The following ADCY9 variants were observed in gnomAD, a reference collection of about 807,000 sequenced individuals.
ADCY9 encodes the protein adenylate cyclase type 9.
In ADCY9, 50 loss-of-function variants were observed where a neutral mutation model predicts 101.5. The ratio of observed to expected loss-of-function variants is 0.49; its 90% CI spans 0.39 to 0.62. The LOEUF (loss-of-function observed/expected upper bound fraction) is 0.62. ADCY9 is among the 20% of genes least tolerant of loss of function. ADCY9 has a pLI of 0.00. For synonymous variants in ADCY9, 905 were observed against 769.3 expected (o/e 1.18, Z -2.92); for missense variants, 1,662 against 1,800.4 (o/e 0.92, Z 1.39).
At chr16:4,076,869 G>C (rs2056870643) in intron 2 of ADCY9, among the ~76,000 whole-genome samples, 1 of 152,128 alleles carries the variant, frequency 6.6e-6, no homozygotes. Context: ...CTGAGGTGAG[G>C]AGTCCGAGAC....
intron 2 of ADCY9, among the ~76,000 whole-genome samples, chr16:4,049,857 C>A (rs1206471402): frequency 2.0e-5 from 3 of 152,100 alleles, no homozygotes; most frequent in Admixed American, 2.0e-4. Context: ...GTAAGACCGA[C>A]CCTGTTTCTA....
At chr16:4,098,365 C>T (rs532158493) in intron 2 of ADCY9, among the ~76,000 whole-genome samples, 1 of 152,070 alleles carries the variant, frequency 6.6e-6, no homozygotes, top group African/African-American at 2.4e-5. Flanking sequence ...TCCCGAGTAG[C>T]TGGGACTACA....
intron 2 of ADCY9, among the ~76,000 whole-genome samples, chr16:4,048,566 T>C (rs529371122): frequency 3.3e-5 from 5 of 152,096 alleles, no homozygotes; most frequent in Admixed American, 2.0e-4. Context: ...GGGACACGGG[T>C]GAGATGAAAC....
Position 4,000,968 on chromosome 16 carries a change from T to TACACACACACACACACACACAC in ADCY9, c.1884+6378_1884+6399dup, listed in dbSNP as rs141254290. Reference sequence around the variant, plus strand: ...GCACATACATTTCCATCCCTCTCTCTACACACACACACACACACACACACA... The same window carrying TACACACACACACACACACACAC: ...GCACATACATTTCCATCCCTCTCTCTACACACACACACACACACACACACACACACACACACACACACACACA... On this transcript the variant is annotated intron_variant, in intron 3 of 10. Transcript: ENST00000294016. 1.9e-3 allele frequency among the ~76,000 whole-genome samples: 244 copies of TACACACACACACACACACACAC among 125,292 alleles called. 1 individual carries two copies. The highest frequency in any genetic ancestry group is 4.1e-3 in the Middle Eastern group (1 of 242). The allele number at this position is 125,292 out of a possible 152,430, so 82.2% of individuals were successfully genotyped here. A position where few individuals can be genotyped will look rare whatever the true frequency, so the allele number is the denominator to read the frequency against.
chr16:4,059,999 C>T (rs2056764624), intron 2 of ADCY9, among the ~76,000 whole-genome samples: 1 of 152,224 alleles, frequency 6.6e-6, no homozygotes. Context: ...TCCTTCCCCT[C>T]AGCTCACCCA....
intron 2 of ADCY9, among the ~76,000 whole-genome samples, chr16:4,095,290 C>T (rs557997953): frequency 2.0e-5 from 3 of 152,200 alleles, no homozygotes; most frequent in East Asian, 1.9e-4. Flanking sequence ...CGTGAGCCAC[C>T]GCGCCCAGCC....
At chr16:3,981,561 T>C (rs2056142785) in intron 7 of ADCY9, among the ~76,000 whole-genome samples, 2 of 152,158 alleles carry the variant, frequency 1.3e-5, no homozygotes, top group African/African-American at 4.8e-5. Flanking sequence ...AATGAGTTTA[T>C]TGTATATAAA....
intron 2 of ADCY9, among the ~76,000 whole-genome samples, chr16:4,053,316 A>G (rs2056713795): frequency 6.6e-6 from 1 of 152,268 alleles, no homozygotes; most frequent in Non-Finnish European, 1.5e-5. Context: ...TGAAGAGAGA[A>G]GATGCGTTTG....
chr16:3,979,500 GC>G (rs2056122544), intron 7 of ADCY9, among the ~76,000 whole-genome samples: 1 of 152,246 alleles, frequency 6.6e-6, no homozygotes, highest in Admixed American at 6.5e-5. Flanking sequence ...GTCACATGTT[GC>G]GTTGTGATAA....
chr16:4,105,574 G>A (rs1044994824), intron 2 of ADCY9, among the ~76,000 whole-genome samples: 1 of 151,810 alleles, frequency 6.6e-6, no homozygotes, highest in African/African-American at 2.4e-5. Context: ...CAGCCACACG[G>A]GAGACTGAGA....
At chr16:4,100,283 A>G (rs573140940) in intron 2 of ADCY9, among the ~76,000 whole-genome samples, 4 of 152,210 alleles carry the variant, frequency 2.6e-5, no homozygotes, top group Admixed American at 2.6e-4. Flanking sequence ...AACTGTGCCA[A>G]TTAAACCTGC....
chr16:4,072,426 T>C (rs1187044490), intron 2 of ADCY9, among the ~76,000 whole-genome samples: 1 of 152,112 alleles, frequency 6.6e-6, no homozygotes, highest in Non-Finnish European at 1.5e-5. Context: ...TTTGATGTTA[T>C]TGTACTCACA....
In ADCY9 at chr16:4,075,762, G is replaced by C. The variant is rs910617731; in HGVS notation, c.1693+37988C>G. 5.3e-5 allele frequency among the ~76,000 whole-genome samples: 8 copies of C among 152,142 alleles called. No individual in the cohort carries two copies. In the East Asian group the frequency reaches 7.7e-4, roughly 15 times the overall value. On this transcript the variant is annotated intron_variant, in intron 2 of 10. Transcript: ENST00000294016. ...CTGGGGCAGCGGGGGGGCCAGGCGGGAGGGCTCAGGAAAAGCTTTCCAACG... is the reference window on the plus strand; with the variant it reads ...CTGGGGCAGCGGGGGGGCCAGGCGGCAGGGCTCAGGAAAAGCTTTCCAACG...
intron 2 of ADCY9, among the ~76,000 whole-genome samples, chr16:4,023,679 G>A (rs937880059): frequency 7.2e-5 from 11 of 152,144 alleles, no homozygotes; most frequent in South Asian, 4.1e-4. Context: ...TTGGGAGGCC[G>A]AGGTAGGCGG....
At chr16:4,085,783 G>T (rs966855511) in intron 2 of ADCY9, among the ~76,000 whole-genome samples, 1 of 152,068 alleles carries the variant, frequency 6.6e-6, no homozygotes, top group Non-Finnish European at 1.5e-5. Flanking sequence ...GACTCTCTAG[G>T]GTGGGGCCCA....
chr16:4,016,371 A>C (rs2056438629), intron 2 of ADCY9, among the ~76,000 whole-genome samples: 1 of 152,222 alleles, frequency 6.6e-6, no homozygotes, highest in African/African-American at 2.4e-5. Flanking sequence ...CCACCAGCTG[A>C]TCACCTTTTA....
chr16:4,031,712 C>A (rs1439956554), intron 2 of ADCY9, among the ~76,000 whole-genome samples: 20 of 151,658 alleles, frequency 1.3e-4, no homozygotes, highest in African/African-American at 2.4e-5. Context: ...GGCGAAACCA[C>A]TGGCTAATAC....
intron 10 of ADCY9, among the ~76,000 whole-genome samples, chr16:3,969,037 G>A (rs902623856): frequency 4.6e-5 from 7 of 152,062 alleles, no homozygotes; most frequent in African/African-American, 1.7e-4. Flanking sequence ...CTAGAGACAG[G>A]TTGGTCTCAA....
chr16:4,056,872 G>C (rs1287884385), intron 2 of ADCY9, among the ~76,000 whole-genome samples: 2 of 152,154 alleles, frequency 1.3e-5, no homozygotes, highest in African/African-American at 4.8e-5. Context: ...CTGTTCTGAA[G>C]CTGTCTCAAG....
Sources: gnomAD v4.1 joint callset for allele counts (sites outside exome capture counted in the v4.1 genomes callset) on GRCh38, gnomAD v4.1.1 for gene constraint, MANE v1.5 for transcripts, NCBI Gene and HGNC (gene_info 2026-07-23, HGNC 2026-07-21) for gene names.